The following SNX29 variants were observed in gnomAD, a reference collection of about 807,000 sequenced individuals.
SNX29 encodes sorting nexin 29, also known as sorting nexin-29.
Under a neutral mutation model 102.1 loss-of-function variants are expected in SNX29, and 78 were observed. The observed-to-expected ratio is 0.76, with a 90% confidence interval of 0.64 to 0.92. The LOEUF (loss-of-function observed/expected upper bound fraction) is 0.92. Among genes scored for constraint, SNX29 ranks in the 40% least tolerant of loss-of-function variants. The probability of loss-of-function intolerance (pLI) is 0.00; values close to 1 mark genes in which losing one functional copy is unlikely to be tolerated. For synonymous variants in SNX29, 580 were observed against 414.5 expected, an observed-to-expected ratio of 1.40 and a Z score of -4.85; for missense variants, 1,280 against 1,061.7, an observed-to-expected ratio of 1.21 and a Z score of -2.86.
chr16:12,454,769 GA>G (rs1259622173), intron 18 of SNX29, among the ~76,000 whole-genome samples: 1 of 151,858 alleles, frequency 6.6e-6, no homozygotes, highest in Non-Finnish European at 1.5e-5. Context: ...ACCCAGGCTG[GA>G]GTGCAGTGGC....
At chr16:12,403,191 A>G (rs2084016534) in intron 17 of SNX29, among the ~76,000 whole-genome samples, 1 of 133,952 alleles carries the variant, frequency 7.5e-6, no homozygotes, top group South Asian at 2.5e-4. Context: ...CGGAGTACAG[A>G]TTGTGTGTGT....
At chr16:12,245,909 G>A (rs1024522404) in intron 14 of SNX29, among the ~76,000 whole-genome samples, 12 of 152,200 alleles carry the variant, frequency 7.9e-5, no homozygotes, top group Admixed American at 5.2e-4. Flanking sequence ...TCAGTCATTT[G>A]ACTGTGGGAG....
chr16:12,108,778 G>A (rs2053375704), intron 11 of SNX29, among the ~76,000 whole-genome samples: 2 of 152,288 alleles, frequency 1.3e-5, no homozygotes, highest in South Asian at 4.1e-4. Context: ...ACACGAAGCT[G>A]TCCCTGTCTT....
At chr16:12,394,064 G>A (rs1461735798) in intron 16 of SNX29, among the ~76,000 whole-genome samples, 2 of 152,162 alleles carry the variant, frequency 1.3e-5, no homozygotes, top group East Asian at 3.8e-4. Flanking sequence ...AAAGGACCTG[G>A]GACTTCCTAG....
At chr16:12,509,149 C>T (rs1047072431) in intron 19 of SNX29, among the ~76,000 whole-genome samples, 1 of 152,184 alleles carries the variant, frequency 6.6e-6, no homozygotes, top group Non-Finnish European at 1.5e-5. Flanking sequence ...GAGGTAGTCC[C>T]ACCTAATGCC....
chr16:12,362,923 G>T (rs2082349238), intron 16 of SNX29, among the ~76,000 whole-genome samples: 1 of 152,258 alleles, frequency 6.6e-6, no homozygotes, highest in South Asian at 2.1e-4. Flanking sequence ...GTAAATGTGG[G>T]TCAACTCATT....
At chr16:12,142,890 A>T (rs963696237) in intron 13 of SNX29, among the ~76,000 whole-genome samples, 1 of 151,886 alleles carries the variant, frequency 6.6e-6, no homozygotes, top group African/African-American at 2.4e-5. Context: ...TTCACTCTTC[A>T]AACATTTACT....
intron 1 of SNX29, among the ~76,000 whole-genome samples, chr16:11,991,386 G>A (rs559036828): frequency 1.3e-5 from 2 of 152,286 alleles, no homozygotes; most frequent in African/African-American, 4.8e-5. Flanking sequence ...GGCCTTTGCC[G>A]TGAGACTTGC....
At position 12,101,521 on chromosome 16, in the gene SNX29, T is replaced by G. The variant is rs147488315; in HGVS notation, c.1402+22606T>G. On this transcript the variant is annotated intron_variant, in intron 11 of 20. Coordinates refer to ENST00000566228, the MANE Select transcript of SNX29 (RefSeq NM_032167.5). The stretch of plus-strand genomic sequence containing the variant: ...GCCTCAGCCTCCTGGGTAGCTGGGA[T>G]TACAGGCATGCACCACCATGCCTGG... Among the ~76,000 whole-genome samples, 59 of 151,890 alleles carry G rather than the reference T, an allele frequency of 3.9e-4. 1 individual carries two copies. Among genetic ancestry groups the G allele is most frequent in the Admixed American group, 3.9e-3 (59 of 15,238 alleles).
chr16:12,471,681 G>A (rs780684856), intron 18 of SNX29, among the ~76,000 whole-genome samples: 1 of 152,246 alleles, frequency 6.6e-6, no homozygotes, highest in African/African-American at 2.4e-5. Context: ...CGAGGACAGC[G>A]AAGGCAGGGC....
At chr16:12,454,896 C>G in intron 18 of SNX29, among the ~76,000 whole-genome samples, 1 of 152,014 alleles carries the variant, frequency 6.6e-6, no homozygotes, top group Non-Finnish European at 1.5e-5. Context: ...TAGGCATGCA[C>G]CACCATGCCT....
At chr16:12,445,444 G>A (rs2086007519) in intron 18 of SNX29, among the ~76,000 whole-genome samples, 3 of 152,184 alleles carry the variant, frequency 2.0e-5, no homozygotes. Flanking sequence ...TCCCCAGGAG[G>A]CTGGGGCTCC....
chr16:12,221,919 G>A (rs1452136249), intron 14 of SNX29, among the ~76,000 whole-genome samples: 4 of 152,188 alleles, frequency 2.6e-5, no homozygotes, highest in African/African-American at 9.7e-5. Context: ...GTCACTGACC[G>A]TACCATCTCA....
At chr16:12,195,120 C>T (rs569395799) in intron 13 of SNX29, among the ~76,000 whole-genome samples, 12 of 152,298 alleles carry the variant, frequency 7.9e-5, no homozygotes, top group African/African-American at 2.9e-4. Flanking sequence ...ACACTCTGTA[C>T]TCTGCTGCAT....
At chr16:12,340,406 G>C (rs1280824232) in intron 15 of SNX29, among the ~76,000 whole-genome samples, 1 of 152,244 alleles carries the variant, frequency 6.6e-6, no homozygotes, top group African/African-American at 2.4e-5. Context: ...TGTAAGCTCA[G>C]AGGAGGAAGG....
At position 12,356,052 on chromosome 16, in the gene SNX29, G is replaced by C. The variant is rs555070385; in HGVS notation, c.1783-111G>C. 5 of 914,574 alleles carry C rather than the reference G, an allele frequency of 5.5e-6. No homozygotes were observed. In the South Asian group the frequency reaches 7.6e-5, roughly 14 times the overall value. The allele number at this position is 914,574 out of a possible 1,614,324, so 56.7% of individuals were successfully genotyped here. ...AGTGTCATTGACTCCAGCCCCAACA[G>C]CCTACAGATGTTTTGCTGACAGGTG... On this transcript the variant is annotated intron_variant, in intron 15 of 20. Coordinates refer to ENST00000566228, the MANE Select transcript of SNX29 (RefSeq NM_032167.5).
At chr16:12,550,633 T>C (rs1471463540) in intron 20 of SNX29, among the ~76,000 whole-genome samples, 1 of 152,026 alleles carries the variant, frequency 6.6e-6, no homozygotes, top group African/African-American at 2.4e-5. Context: ...GAAAGACACA[T>C]TAAAAAGTAA....
chr16:12,557,847 C>G (rs897626098), intron 20 of SNX29, among the ~76,000 whole-genome samples: 2 of 152,196 alleles, frequency 1.3e-5, no homozygotes, highest in Non-Finnish European at 2.9e-5. Flanking sequence ...ATCAATGTGA[C>G]ATGACCATAG....
chr16:12,209,479 T>C (rs1369447676), intron 14 of SNX29, among the ~76,000 whole-genome samples: 1 of 152,180 alleles, frequency 6.6e-6, no homozygotes, highest in Non-Finnish European at 1.5e-5. Flanking sequence ...CATGAGCCAC[T>C]GTGCCTGGCT....
Sources: allele counts gnomAD v4.1 joint callset (sites outside exome capture counted in the v4.1 genomes callset), GRCh38; gene constraint gnomAD v4.1.1; transcripts MANE v1.5; gene names NCBI Gene and HGNC (gene_info 2026-07-23, HGNC 2026-07-21).